DENND6A: variants seen among roughly 807,000 people sequenced by gnomAD.
The protein encoded by DENND6A is protein DENND6A.
Under a neutral mutation model 95.5 loss-of-function variants are expected in DENND6A, and 43 were observed. The observed-to-expected ratio is 0.45, with a 90% CI of 0.35 to 0.58. DENND6A has a LOEUF of 0.58. Ranked by LOEUF, DENND6A falls within the 20% of genes least tolerant of loss-of-function variation. The pLI is 0.00. For synonymous variants in DENND6A, 257 were observed against 260.4 expected, an observed-to-expected ratio of 0.99 and a Z score of 0.13; for missense variants, 574 against 736.0, an observed-to-expected ratio of 0.78 and a Z score of 2.55.
intron 12 of DENND6A, among the ~76,000 whole-genome samples, chr3:57,639,297 C>G (rs1023172697): frequency 6.6e-6 from 1 of 152,142 alleles, no homozygotes; most frequent in East Asian, 1.9e-4. Context: ...AATAGGAACC[C>G]TCATACATTG....
chr3:57,667,042 T>G (rs2071534853), intron 3 of DENND6A, among the ~76,000 whole-genome samples: 1 of 152,260 alleles, frequency 6.6e-6, no homozygotes, highest in African/African-American at 2.4e-5. Flanking sequence ...TAATTTTATT[T>G]TTTTGAGACA....
intron 9 of DENND6A, among the ~76,000 whole-genome samples, chr3:57,646,695 C>T (rs1262495532): frequency 9.2e-5 from 14 of 152,096 alleles, no homozygotes; most frequent in African/African-American, 3.4e-4. Flanking sequence ...CACAGAATAA[C>T]TGACAATAAA....
Position 57,692,986 on chromosome 3 carries a change from G to C in DENND6A, c.33C>G (p.Pro11=), listed in dbSNP as rs761207457. Residue 11 remains proline (P), a synonymous_variant, in exon 1 of 20, where the codon CCC becomes CCG. Coordinates refer to ENST00000311128, the MANE Select transcript of DENND6A (RefSeq NM_152678.3). MALRGPAGLG[P]GSRRPLDEAV... is the part of the protein sequence containing the mutation. ...CTTCGTCCAACGGCCTTCGAGAGCCGGGCCCCAAGCCCGCAGGGCCCCTCA... is the reference window on the plus strand; with the variant it reads ...CTTCGTCCAACGGCCTTCGAGAGCCCGGCCCCAAGCCCGCAGGGCCCCTCA... The C allele has an allele frequency of 5.3e-6, 8 of 1,520,424 alleles. No homozygotes were observed. The highest frequency in any genetic ancestry group is 2.4e-5 in the South Asian group (2 of 81,666). 94.2% of individuals were successfully genotyped at this position (1,520,424 alleles called of 1,614,324 possible).
Position 57,645,657 on chromosome 3 carries a change from T to C in DENND6A, c.1037+4A>G. On this transcript the variant is annotated splice_donor_region_variant and intron_variant, in intron 11 of 19. Coordinates refer to ENST00000311128, the MANE Select transcript of DENND6A (RefSeq NM_152678.3). ...CCTGGTCAATAGAAGTTATTTTTACTTACGGAGCTTGGGTACGGGTAGTAT... is the reference window on the plus strand; with the variant it reads ...CCTGGTCAATAGAAGTTATTTTTACCTACGGAGCTTGGGTACGGGTAGTAT... 1 of 1,603,002 alleles carries C rather than the reference T, an allele frequency of 6.2e-7. No individual in the cohort carries two copies. Among genetic ancestry groups the C allele is most frequent in the Non-Finnish European group, 8.5e-7 (1 of 1,173,244 alleles).
intron 9 of DENND6A, among the ~76,000 whole-genome samples, chr3:57,652,529 G>T (rs1052611772): frequency 6.6e-6 from 1 of 152,192 alleles, no homozygotes. Context: ...CTCAGAAACT[G>T]TGTGAAATAA....
At chr3:57,646,065 A>G (rs2071073630) in intron 10 of DENND6A, among the ~76,000 whole-genome samples, 1 of 152,208 alleles carries the variant, frequency 6.6e-6, no homozygotes, top group Non-Finnish European at 1.5e-5. Flanking sequence ...AACTTCATGT[A>G]ATGAATCAAT....
intron 12 of DENND6A, among the ~76,000 whole-genome samples, chr3:57,635,219 T>G (rs2070766399): frequency 6.6e-6 from 1 of 152,144 alleles, no homozygotes; most frequent in African/African-American, 2.4e-5. Flanking sequence ...TTGTTTTGTT[T>G]TGTTTTGTTT....
intron 1 of DENND6A, among the ~76,000 whole-genome samples, chr3:57,692,517 A>G (rs1406737148): frequency 6.6e-6 from 1 of 152,098 alleles, no homozygotes; most frequent in Admixed American, 6.5e-5. Context: ...TCTGCGTTTA[A>G]AAGAAATAAA....
At chr3:57,685,238 T>C (rs1176760121) in intron 1 of DENND6A, among the ~76,000 whole-genome samples, 1 of 152,116 alleles carries the variant, frequency 6.6e-6, no homozygotes, top group Non-Finnish European at 1.5e-5. Flanking sequence ...TTCTTGTTTA[T>C]ATGAGTTATA....
intron 18 of DENND6A, among the ~76,000 whole-genome samples, chr3:57,629,507 CTTTTTTTTTTTT>C (rs1165802821): frequency 1.0e-5 from 1 of 98,230 alleles, no homozygotes; most frequent in African/African-American, 3.9e-5. Context: ...AATCAGTCCG[CTTTTTTTTTTTT>C]TTTTTTTTTT....
In DENND6A at chr3:57,645,752, T is replaced by TA; in HGVS notation, c.945dup (p.Ile316TyrfsTer9). ...TCACTGAAGTACTTTAATGGAGAAA[T>TA]ACAGCTGTGGAGCAGGAAGAACATG... On this transcript the variant is annotated frameshift_variant, in exon 11 of 20. Coordinates refer to ENST00000311128, the MANE Select transcript of DENND6A (RefSeq NM_152678.3). LOFTEE classifies it high-confidence loss of function. 1 of 1,610,912 alleles carries TA rather than the reference T, an allele frequency of 6.2e-7. No individual in the cohort carries two copies. The highest frequency in any genetic ancestry group is 2.2e-5 in the East Asian group (1 of 44,774).
chr3:57,667,019 G>C (rs1215446386), intron 3 of DENND6A, among the ~76,000 whole-genome samples: 2 of 152,160 alleles, frequency 1.3e-5, no homozygotes, highest in Non-Finnish European at 2.9e-5. Context: ...GTAGTTATAA[G>C]AATTAACTTA....
At chr3:57,636,227 G>C (rs1458428840) in intron 12 of DENND6A, among the ~76,000 whole-genome samples, 1 of 152,142 alleles carries the variant, frequency 6.6e-6, no homozygotes, top group African/African-American at 2.4e-5. Context: ...TGTAATTTCA[G>C]TTTTGCAGAG....
intron 11 of DENND6A, among the ~76,000 whole-genome samples, chr3:57,642,292 C>G (rs913613949): frequency 1.6e-5 from 2 of 126,876 alleles, no homozygotes; most frequent in Non-Finnish European, 3.1e-5. Context: ...CCAGCCTGGG[C>G]AGCAGAGTGA....
Position 57,678,181 on chromosome 3 carries a change from T to G in DENND6A, c.238-5743A>C, listed in dbSNP as rs547171322. On this transcript the variant is annotated intron_variant, in intron 1 of 19. Transcript: ENST00000311128. ...GCATTCATAGGATAATTTCTCCTGA[T>G]ACTTTTTCCAGGATAAATATAGATT... Among the ~76,000 whole-genome samples the G allele has an allele frequency of 7.9e-5, 12 of 152,352 alleles. 1 individual carries two copies. The East Asian group carries it at 1.9e-3, about 24-fold the overall frequency.
chr3:57,693,014 G>A lies in DENND6A; in HGVS notation c.5C>T (p.Ala2Val). 6.8e-7 allele frequency: 1 copy of A among 1,469,406 alleles called. No homozygotes were observed. The allele number at this position is 1,469,406 out of a possible 1,614,324, so 91.0% of individuals were successfully genotyped here. MALRGPAGLGPG... is the reference protein window; with the variant it reads MVLRGPAGLGPG... ...CCCCAAGCCCGCAGGGCCCCTCAAA[G>A]CCATCGGCCGCCCCCTGACCGTTCG... Residue 2 changes from alanine (A) to valine (V), a missense_variant, in exon 1 of 20, where the codon GCT becomes GTT. Ala to Val is a moderately conservative substitution (Grantham distance 64). This residue lies in a region of DENND6A where 122 missense variants were observed against 105.1 expected (regional missense o/e 1.16). Transcript: ENST00000311128.
chr3:57,646,900 G>A lies in DENND6A; in HGVS notation c.819-462C>T, dbSNP rs533201022. ...GAATGATGACAAATCACAAGGGGGA[G>A]TGCTAATGCTGAACAAGAGCGAAAC... On this transcript the variant is annotated intron_variant, in intron 9 of 19. Transcript: ENST00000311128. 3.3e-5 allele frequency among the ~76,000 whole-genome samples: 5 copies of A among 152,310 alleles called. No homozygotes were observed. The South Asian group carries it at 8.3e-4, about 25-fold the overall frequency.
chr3:57,628,062 G>C lies in DENND6A; in HGVS notation c.*152C>G. On this transcript the variant is annotated 3_prime_UTR_variant, in exon 20 of 20. Coordinates refer to ENST00000311128, the MANE Select transcript of DENND6A (RefSeq NM_152678.3). ...AAAAAGTAATGCACTAAAAAGGTCTGTTTATACAATACAGTCTTTCTACCC... is the reference window on the plus strand; with the variant it reads ...AAAAAGTAATGCACTAAAAAGGTCTCTTTATACAATACAGTCTTTCTACCC... 1 of 1,148,998 alleles carries C rather than the reference G, an allele frequency of 8.7e-7. No individual in the cohort carries two copies. The highest frequency in any genetic ancestry group is 1.2e-6 in the Non-Finnish European group (1 of 833,778). 71.2% of individuals were successfully genotyped at this position (1,148,998 alleles called of 1,614,324 possible). A position where few individuals can be genotyped will look rare whatever the true frequency, so the allele number is the denominator to read the frequency against.
chr3:57,635,678 G>C (rs2070777062), intron 12 of DENND6A, among the ~76,000 whole-genome samples: 1 of 152,136 alleles, frequency 6.6e-6, no homozygotes, highest in South Asian at 2.1e-4. Context: ...GAGATTTTAA[G>C]AACAAGGAAC....
Sources: allele counts gnomAD v4.1 joint callset (sites outside exome capture counted in the v4.1 genomes callset), GRCh38; gene constraint gnomAD v4.1.1; regional missense constraint gnomAD v4.1.1; transcripts MANE v1.5; gene names NCBI Gene and HGNC (gene_info 2026-07-23, HGNC 2026-07-21).